ANK3: variants seen among roughly 807,000 people sequenced by gnomAD.
The protein encoded by ANK3 is ankyrin-3.
ANK3 carries 57 observed loss-of-function variants against 370.9 expected under a neutral mutation model. That is an observed-to-expected ratio of 0.15 (90% CI 0.12 to 0.19). The LOEUF is 0.19. Ranked by LOEUF, ANK3 falls within the 10% of genes least tolerant of loss-of-function variation. ANK3 has a pLI of 1.00. For missense variants in ANK3, 4,439 were observed against 5,302.1 expected (o/e 0.84, Z 5.06); for synonymous variants, 1,929 against 1,946.3 (o/e 0.99, Z 0.23).
intron 1 of ANK3, among the ~76,000 whole-genome samples, chr10:60,387,875 A>C (rs1261208729): frequency 6.6e-6 from 1 of 152,224 alleles, no homozygotes; most frequent in Non-Finnish European, 1.5e-5. Context: ...ACTGCTGTAC[A>C]TAAACCTAGC....
intron 2 of ANK3, among the ~76,000 whole-genome samples, chr10:60,489,195 C>T (rs962687025): frequency 3.9e-5 from 6 of 152,048 alleles, no homozygotes; most frequent in African/African-American, 1.4e-4. Context: ...GTGCAGTTAC[C>T]CTGTGCCAAG....
intron 28 of ANK3, among the ~76,000 whole-genome samples, chr10:60,088,962 A>T (rs1366835443): frequency 6.6e-6 from 1 of 152,216 alleles, no homozygotes; most frequent in Non-Finnish European, 1.5e-5. Flanking sequence ...GGAATTTACA[A>T]TAATTTGCCC....
intron 2 of ANK3, among the ~76,000 whole-genome samples, chr10:60,454,549 C>T (rs1383612476): frequency 2.6e-5 from 4 of 152,190 alleles, no homozygotes; most frequent in African/African-American, 7.2e-5. Context: ...CCAGGACAGT[C>T]AGTTTACAGG....
At position 60,578,792 on chromosome 10, in the gene ANK3, T is replaced by C. The variant is rs2077712631; in HGVS notation, c.96+36394A>G. Reference sequence around the variant, plus strand: ...AACTATCAAGACCCTTATTTGTTCATCTCCTAAAATAAAAGGGATTAGAAA... The same window carrying C: ...AACTATCAAGACCCTTATTTGTTCACCTCCTAAAATAAAAGGGATTAGAAA... On this transcript the variant is annotated intron_variant, in intron 2 of 43. Transcript: ENST00000373827. Among the ~76,000 whole-genome samples, 4 of 152,286 alleles carry C rather than the reference T, an allele frequency of 2.6e-5. No individual in the cohort carries two copies. In the South Asian group the frequency reaches 8.3e-4, roughly 32 times the overall value.
chr10:60,240,331 T>C (rs2097433890), intron 7 of ANK3, among the ~76,000 whole-genome samples: 1 of 143,248 alleles, frequency 7.0e-6, no homozygotes, highest in African/African-American at 2.6e-5. Context: ...TGAGATAGAG[T>C]TTCGCTCTTG....
intron 1 of ANK3, among the ~76,000 whole-genome samples, chr10:60,615,777 T>C (rs1046997219): frequency 2.6e-5 from 4 of 152,140 alleles, no homozygotes; most frequent in African/African-American, 9.7e-5. Flanking sequence ...ATGACATGGT[T>C]CCTATAATAT....
At chr10:60,501,669 C>T (rs10821777) in intron 2 of ANK3, among the ~76,000 whole-genome samples, 31,240 of 141,468 alleles carry the variant, frequency 0.22, 3,703 homozygotes, top group East Asian at 0.47. Flanking sequence ...TGTGCCACTG[C>T]ACTGTGGTCT....
chr10:60,059,816 T>C (rs753340977), intron 40 of ANK3: 2 of 1,614,244 alleles, frequency 1.2e-6, no homozygotes, highest in Admixed American at 1.7e-5. Context: ...CAGTTACGAC[T>C]GGAGGTCCAT....
chr10:60,662,906 G>C (rs750453243), intron 1 of ANK3, among the ~76,000 whole-genome samples: 39 of 152,110 alleles, frequency 2.6e-4, no homozygotes, highest in Non-Finnish European at 4.6e-4. Flanking sequence ...TTATTCATTT[G>C]GTTACTGGGA....
In ANK3 at chr10:60,073,766, A is replaced by G. The variant is rs1441381212; in HGVS notation, c.7115T>C (p.Leu2372Pro). 1 of 1,613,786 alleles carries G rather than the reference A, an allele frequency of 6.2e-7. No individual in the cohort carries two copies. Among genetic ancestry groups the G allele is most frequent in the Admixed American group, 1.7e-5 (1 of 59,992 alleles). ...QKDLSRGDIN[L>P]KDFLPEKHDA... is the part of the protein sequence containing the mutation. ...GTGTTTTTCTGGCAGAAAATCTTTT[A>G]GGTTAATATCTCCCCGGGATAAGTC... is the stretch of plus-strand genomic sequence containing the variant. The change falls in exon 37 of 44, where the codon CTA (leucine) becomes CCA (proline). Residue 2372 changes from leucine (L) to proline (P), a missense_variant. Transcript: ENST00000280772.
At chr10:60,176,113 A>G (rs1008456525) in intron 18 of ANK3, among the ~76,000 whole-genome samples, 1 of 151,520 alleles carries the variant, frequency 6.6e-6, no homozygotes, top group Admixed American at 6.6e-5. Context: ...CGGGCAGATC[A>G]CTTGAGGCCA....
Position 60,076,049 on chromosome 10 carries a change from A to G in ANK3, c.4832T>C (p.Leu1611Ser), listed in dbSNP as rs747354173. Residue 1611 changes from leucine (L) to serine (S), a missense_variant, in exon 37 of 44, where the codon TTA becomes TCA. Leu to Ser is a moderately radical substitution (Grantham distance 145). Coordinates refer to ENST00000280772, the MANE Select transcript of ANK3 (RefSeq NM_020987.5). ...CGTAGAATTGGATGCCAGCCCTTTT[A>G]AGGGCGTAGCTTCCGTGACTGCTGG... ...RAPAVTEATP[L>S]KGLASNSTFS... The G allele has an allele frequency of 2.5e-6, 4 of 1,614,212 alleles. No individual in the cohort carries two copies. The highest frequency in any genetic ancestry group is 1.7e-5 in the Admixed American group (1 of 60,030).
chr10:60,199,182 G>C (rs1325349583), intron 13 of ANK3, among the ~76,000 whole-genome samples: 1 of 152,172 alleles, frequency 6.6e-6, no homozygotes, highest in Non-Finnish European at 1.5e-5. Context: ...TTATCCCCAA[G>C]TGGGAGGCGC....
At chr10:60,564,188 A>C (rs1014374254) in intron 2 of ANK3, among the ~76,000 whole-genome samples, 5 of 152,226 alleles carry the variant, frequency 3.3e-5, no homozygotes, top group African/African-American at 1.2e-4. Context: ...TAAAATTAAC[A>C]GCCCAGCAGA....
rs1467174463 is a variant in ANK3 at position 60,068,654 on chromosome 10, C to T, written c.12227G>A (p.Arg4076Lys). Residue 4076 changes from arginine (R) to lysine (K), a missense_variant, in exon 37 of 44, where the codon AGG (arginine) becomes AAG (lysine). Coordinates refer to ENST00000280772, the MANE Select transcript of ANK3 (RefSeq NM_020987.5). ...SKSEKAGSEK[R>K]SSRRTGPQSP... Reference sequence around the variant, plus strand: ...ATTCTCACCAGTCCTTCTACTGCTCCTTTTCTCACTGCCGGCCTTTTCACT... The same window carrying T: ...ATTCTCACCAGTCCTTCTACTGCTCTTTTTCTCACTGCCGGCCTTTTCACT... 6.2e-7 allele frequency: 1 copy of T among 1,609,520 alleles called. No homozygotes were observed. The highest frequency in any genetic ancestry group is 8.5e-7 in the Non-Finnish European group (1 of 1,177,352).
At chr10:60,394,521 G>A (rs2132883331), upstream of ANK3, among the ~76,000 whole-genome samples, 1 of 152,206 alleles carries the variant, frequency 6.6e-6, no homozygotes, top group Non-Finnish European at 1.5e-5. Context: ...AGAGCCAGCT[G>A]GTCCCAAGCA....
At chr10:60,297,938 A>G (rs1258947407) in intron 1 of ANK3, among the ~76,000 whole-genome samples, 3 of 152,170 alleles carry the variant, frequency 2.0e-5, no homozygotes, top group South Asian at 4.1e-4. Flanking sequence ...AGTGAAAATC[A>G]ACAATAAAAT....
chr10:60,480,994 A>G (rs1165649796), intron 2 of ANK3, among the ~76,000 whole-genome samples: 1 of 152,192 alleles, frequency 6.6e-6, no homozygotes, highest in Non-Finnish European at 1.5e-5. Flanking sequence ...ACACACCGAC[A>G]GATGATTCCG....
intron 2 of ANK3, among the ~76,000 whole-genome samples, chr10:60,589,306 A>T (rs1260163900): frequency 1.3e-5 from 2 of 152,196 alleles, no homozygotes; most frequent in Non-Finnish European, 2.9e-5. Flanking sequence ...AATTTTGCAC[A>T]TATATGAAAT....
Sources: gnomAD v4.1 joint callset for allele counts (sites outside exome capture counted in the v4.1 genomes callset) on GRCh38, gnomAD v4.1.1 for gene constraint, MANE v1.5 for transcripts, NCBI Gene and HGNC (gene_info 2026-07-23, HGNC 2026-07-21) for gene names.